The following RXFP2 variants were observed in gnomAD, a reference collection of about 807,000 sequenced individuals.
RXFP2 encodes relaxin family peptide receptor 2.
RXFP2 carries 68 observed loss-of-function variants against 88.6 expected under a neutral mutation model. The observed-to-expected ratio is 0.77, with a 90% CI of 0.63 to 0.94. The LOEUF is 0.94. RXFP2 is among the 40% of genes least tolerant of loss of function. The pLI, the probability that RXFP2 is intolerant of heterozygous loss-of-function variation, is 0.00. For synonymous variants in RXFP2, 329 were observed against 306.8 expected, an observed-to-expected ratio of 1.07 and a Z score of -0.76; for missense variants, 791 against 893.9, an observed-to-expected ratio of 0.88 and a Z score of 1.47.
chr13:31,744,439 G>A (rs1178433147), intron 1 of RXFP2, among the ~76,000 whole-genome samples: 3 of 152,142 alleles, frequency 2.0e-5, no homozygotes, highest in Admixed American at 6.5e-5. Flanking sequence ...CATAGCATGT[G>A]CATTAACTTT....
intron 2 of RXFP2, among the ~76,000 whole-genome samples, chr13:31,760,833 T>G (rs1332587557): frequency 6.6e-6 from 1 of 152,246 alleles, no homozygotes; most frequent in Non-Finnish European, 1.5e-5. Context: ...TTAGGCCTCC[T>G]TTTTTAAAAA....
chr13:31,761,755 C>T lies in RXFP2; in HGVS notation c.273C>T (p.Gly91=). ...GDTSGWATIF[G]TVHGNANSVA... ...CTAGTGGATGGGCGACCATATTTGG[C>T]ACAGTGCATGGAAATGCTAACAGCG... The change falls in exon 3 of 18, where the codon GGC becomes GGT. Residue 91 remains glycine, a synonymous_variant. Coordinates refer to ENST00000298386, the MANE Select transcript of RXFP2 (RefSeq NM_130806.5). 1 of 1,613,004 alleles carries T rather than the reference C, an allele frequency of 6.2e-7. No individual in the cohort carries two copies. Among genetic ancestry groups the T allele is most frequent in the Non-Finnish European group, 8.5e-7 (1 of 1,179,084 alleles).
chr13:31,802,234 T>A lies in RXFP2; in HGVS notation c.2094T>A (p.Phe698Leu), dbSNP rs752078507. ...TCTATACTCTCACAACCAACTTTTT[T>A]AAGGACAAGTTGAAACAGCTGCTGC... ...PILYTLTTNF[F>L]KDKLKQLLHK... The change falls in exon 18 of 18, where the codon TTT becomes TTA. Residue 698 changes from phenylalanine (F) to leucine (L), a missense_variant. Coordinates refer to ENST00000298386, the MANE Select transcript of RXFP2 (RefSeq NM_130806.5). The A allele has an allele frequency of 1.4e-5, 23 of 1,614,044 alleles. 1 individual carries two copies. In the South Asian group the frequency reaches 2.4e-4, roughly 17 times the overall value.
chr13:31,785,006 C>T (rs1873460847), intron 11 of RXFP2, among the ~76,000 whole-genome samples: 1 of 152,132 alleles, frequency 6.6e-6, no homozygotes, highest in South Asian at 2.1e-4. Flanking sequence ...TAAATGATGC[C>T]ATTGCCCTAT....
intron 1 of RXFP2, among the ~76,000 whole-genome samples, chr13:31,751,014 G>A (rs7327232): frequency 0.34 from 52,163 of 152,064 alleles, 10,060 homozygotes; most frequent in Admixed American, 0.45. Flanking sequence ...AAATAGCTGG[G>A]TGCAGTGGCT....
intron 1 of RXFP2, among the ~76,000 whole-genome samples, chr13:31,748,537 C>T (rs1002724705): frequency 3.3e-5 from 5 of 152,182 alleles, no homozygotes; most frequent in African/African-American, 7.2e-5. Context: ...CTCTTTCGTT[C>T]GGTACCTATT....
chr13:31,782,748 G>C lies in RXFP2; in HGVS notation c.929+1G>C. Reference sequence around the variant, plus strand: ...CTTCATTAAAAAATTTAGGAGAACTGTAAGTAGCATCGTCTACTAGGAAAA... The same window carrying C: ...CTTCATTAAAAAATTTAGGAGAACTCTAAGTAGCATCGTCTACTAGGAAAA... On this transcript the variant is annotated splice_donor_variant, in intron 11 of 17. Coordinates refer to ENST00000298386, the MANE Select transcript of RXFP2 (RefSeq NM_130806.5). LOFTEE classifies it high-confidence loss of function. 2 of 1,557,488 alleles carry C rather than the reference G, an allele frequency of 1.3e-6. No homozygotes were observed. Among genetic ancestry groups the C allele is most frequent in the Non-Finnish European group, 8.9e-7 (1 of 1,128,706 alleles).
intron 1 of RXFP2, among the ~76,000 whole-genome samples, chr13:31,749,098 C>T (rs1871552202): frequency 6.6e-6 from 1 of 152,138 alleles, no homozygotes; most frequent in African/African-American, 2.4e-5. Context: ...TCTTTGTATT[C>T]TCCTTAATAC....
intron 14 of RXFP2, 63 bp from the exon 15 acceptor site, chr13:31,791,743 G>T: frequency 8.8e-7 from 1 of 1,131,436 alleles, no homozygotes; most frequent in Admixed American, 1.7e-5. Flanking sequence ...GCCCCGATAG[G>T]ACTGCAACTG....
At chr13:31,769,410 A>T (rs866537369) in intron 5 of RXFP2, among the ~76,000 whole-genome samples, 1 of 152,208 alleles carries the variant, frequency 6.6e-6, no homozygotes, top group Middle Eastern at 3.4e-3. Context: ...ACTAGCTATC[A>T]TCACCCTCCA....
chr13:31,757,205 C>G (rs1478877026), intron 1 of RXFP2, among the ~76,000 whole-genome samples: 6 of 152,148 alleles, frequency 3.9e-5, no homozygotes, highest in Non-Finnish European at 1.5e-5. Context: ...CTGATTTATG[C>G]TCCTTGAAAT....
intron 1 of RXFP2, among the ~76,000 whole-genome samples, chr13:31,754,730 T>G (rs1446552726): frequency 6.6e-6 from 1 of 152,232 alleles, no homozygotes; most frequent in Non-Finnish European, 1.5e-5. Flanking sequence ...CCTTGGTTAT[T>G]TATCATTTAC....
intron 1 of RXFP2, among the ~76,000 whole-genome samples, chr13:31,749,216 C>T (rs923006373): frequency 8.5e-5 from 13 of 152,128 alleles, no homozygotes; most frequent in South Asian, 2.1e-4. Flanking sequence ...AGCATCACCT[C>T]GCCTCACTCC....
In RXFP2 at chr13:31,778,446, A is replaced by G. The variant is rs2138435460; in HGVS notation, c.714-66A>G. ...CACGCAAGTTTTGAAATTTTAAAAT[A>G]ATAAAAAGACTGTCCTAAAAGTGTC... On this transcript the variant is annotated intron_variant, in intron 8 of 17. Transcript: ENST00000298386. 3 of 1,117,466 alleles carry G rather than the reference A, an allele frequency of 2.7e-6. No individual in the cohort carries two copies. The East Asian group carries it at 7.1e-5, about 26-fold the overall frequency. 69.2% of individuals were successfully genotyped at this position (1,117,466 alleles called of 1,614,324 possible). A position where few individuals can be genotyped will look rare whatever the true frequency, so the allele number is the denominator to read the frequency against.
At chr13:31,768,301 C>A (rs1324018204) in intron 5 of RXFP2, among the ~76,000 whole-genome samples, 1 of 152,166 alleles carries the variant, frequency 6.6e-6, no homozygotes, top group Non-Finnish European at 1.5e-5. Flanking sequence ...GGTTATGAGA[C>A]TCTCATCAAT....
At chr13:31,741,514 C>T (rs1230344291) in intron 1 of RXFP2, among the ~76,000 whole-genome samples, 1 of 152,048 alleles carries the variant, frequency 6.6e-6, no homozygotes, top group African/African-American at 2.4e-5. Flanking sequence ...CCAAAGAAAG[C>T]TCATTTAGAG....
In RXFP2 at chr13:31,754,748, C is replaced by T. The variant is rs140850027; in HGVS notation, c.95-3510C>T. On this transcript the variant is annotated intron_variant, in intron 1 of 17. Coordinates refer to ENST00000298386, the MANE Select transcript of RXFP2 (RefSeq NM_130806.5). The stretch of plus-strand genomic sequence containing the variant: ...TGGTTATTTATCATTTACAGTCCTC[C>T]TTCAGCTTTCAAAAGAGATTTGAAA... 3.9e-5 allele frequency among the ~76,000 whole-genome samples: 6 copies of T among 152,288 alleles called. No homozygotes were observed. The East Asian group carries it at 1.2e-3, about 29-fold the overall frequency.
At chr13:31,757,558 T>A (rs1872015382) in intron 1 of RXFP2, among the ~76,000 whole-genome samples, 1 of 152,348 alleles carries the variant, frequency 6.6e-6, no homozygotes, top group Admixed American at 6.5e-5. Flanking sequence ...CAGGTATATT[T>A]TTATCATGTC....
chr13:31,751,602 G>A (rs1382543538), intron 1 of RXFP2, among the ~76,000 whole-genome samples: 4 of 152,184 alleles, frequency 2.6e-5, no homozygotes, highest in Admixed American at 6.5e-5. Flanking sequence ...AAGTTGATGG[G>A]AATAGAATCT....
Sources: gnomAD v4.1 joint callset for allele counts (sites outside exome capture counted in the v4.1 genomes callset) on GRCh38, gnomAD v4.1.1 for gene constraint, MANE v1.5 for transcripts, NCBI Gene and HGNC (gene_info 2026-07-23, HGNC 2026-07-21) for gene names.